Variants in FBXL18 observed in about 807,000 individuals in gnomAD.
FBXL18 encodes the protein F-box/LRR-repeat protein 18.
Under a neutral mutation model 46.0 loss-of-function variants are expected in FBXL18, and 36 were observed. The ratio of observed to expected loss-of-function variants is 0.78; its 90% CI spans 0.60 to 1.03. The LOEUF (loss-of-function observed/expected upper bound fraction) is 1.03. Ranked by LOEUF, FBXL18 falls within the 50% of genes least tolerant of loss-of-function variation. FBXL18 has a pLI of 0.00. For missense variants in FBXL18, 977 were observed against 1,004.1 expected, an observed-to-expected ratio of 0.97 and a Z score of 0.36; for synonymous variants, 557 against 465.3, an observed-to-expected ratio of 1.20 and a Z score of -2.54.
chr7:5,513,758 G>C lies in FBXL18; in HGVS notation c.-84C>G. 6.5e-7 allele frequency: 1 copy of C among 1,532,878 alleles called. No individual in the cohort carries two copies. The highest frequency in any genetic ancestry group is 8.8e-7 in the Non-Finnish European group (1 of 1,134,328). The allele number at this position is 1,532,878 out of a possible 1,614,324, so 95.0% of individuals were successfully genotyped here. On this transcript the variant is annotated 5_prime_UTR_variant, in exon 1 of 5. Coordinates refer to ENST00000382368, the MANE Select transcript of FBXL18 (RefSeq NM_024963.6). ...CCGGCTAGGGATGCTCGAAGCCGGC[G>C]CGTCCACCGCTCAACCGAGACCCCG...
intron 4 of FBXL18, among the ~76,000 whole-genome samples, chr7:5,456,197 G>A (rs778649281): frequency 5.3e-5 from 8 of 152,166 alleles, no homozygotes; most frequent in Non-Finnish European, 8.8e-5. Context: ...GGAACCCGCT[G>A]CCTGCTCCCA....
At position 5,481,161 on chromosome 7, in the gene FBXL18, T is replaced by A. The variant is rs2128233728; in HGVS notation, c.*614A>T. On this transcript the variant is annotated 3_prime_UTR_variant, in exon 5 of 5. Coordinates refer to ENST00000382368, the MANE Select transcript of FBXL18 (RefSeq NM_024963.6). ...GGGGACCTCTCTGGGGCCACAGGCA[T>A]CATCTGGCTAGAAAAGCCCCAGAGA... 6.6e-6 allele frequency: 1 copy of A among 152,384 alleles called. No individual in the cohort carries two copies. The highest frequency in any genetic ancestry group is 2.1e-4 in the South Asian group (1 of 4,830). 9.4% of individuals were successfully genotyped at this position (152,384 alleles called of 1,614,324 possible).
intron 3 of FBXL18, among the ~76,000 whole-genome samples, chr7:5,498,546 C>T (rs1247707208): frequency 3.3e-5 from 5 of 152,130 alleles, no homozygotes; most frequent in East Asian, 1.9e-4. Context: ...TGAGCCGCCA[C>T]GCCCGGCCCA....
intron 4 of FBXL18, among the ~76,000 whole-genome samples, chr7:5,482,141 G>A (rs1025601777): frequency 6.6e-6 from 1 of 152,218 alleles, no homozygotes; most frequent in Non-Finnish European, 1.5e-5. Flanking sequence ...ACGGCAGCCG[G>A]GAACAGGCCA....
intron 4 of FBXL18, among the ~76,000 whole-genome samples, chr7:5,487,419 C>A (rs1783803470): frequency 6.6e-6 from 1 of 152,148 alleles, no homozygotes; most frequent in Admixed American, 6.5e-5. Flanking sequence ...ATGCTGTGAC[C>A]CTCTCATCTG....
rs1014607296 is a variant in FBXL18 at position 5,496,214 on chromosome 7, G to T, written c.1781+4274C>A. On this transcript the variant is annotated intron_variant, in intron 3 of 4. Transcript: ENST00000382368. The surrounding 1 kb of genome is among the most constrained non-coding windows in gnomAD (Gnocchi z 4.8). ...GGGTACAACTGTGTCGACACTCAGA[G>T]GTTGTTGAGAATATCAAAGGGGTCA... Among the ~76,000 whole-genome samples, 1 of 152,162 alleles carries T rather than the reference G, an allele frequency of 6.6e-6. No homozygotes were observed. The highest frequency in any genetic ancestry group is 2.4e-5 in the African/African-American group (1 of 41,440).
chr7:5,500,371 C>A, intron 3 of FBXL18, 117 bp downstream of exon 3: 1 of 964,424 alleles, frequency 1.0e-6, no homozygotes, highest in Non-Finnish European at 1.5e-6. Context: ...GCTGCGAGGC[C>A]CCGCCCCAGC....
chr7:5,499,933 C>T (rs962991589), intron 3 of FBXL18, among the ~76,000 whole-genome samples: 14 of 151,270 alleles, frequency 9.3e-5, no homozygotes, highest in African/African-American at 3.4e-4. Context: ...GGCATGATGG[C>T]ATATGCCTGT....
At chr7:5,457,391 A>G (rs1422597623) in intron 4 of FBXL18, among the ~76,000 whole-genome samples, 3 of 152,058 alleles carry the variant, frequency 2.0e-5, no homozygotes, top group Admixed American at 1.3e-4. Flanking sequence ...TTAGAGATGT[A>G]AGCTGCTGGA....
intron 2 of FBXL18, 66 bp from the exon 3 acceptor site, chr7:5,502,097 C>A: frequency 8.5e-7 from 1 of 1,180,718 alleles, no homozygotes; most frequent in Non-Finnish European, 1.2e-6. Flanking sequence ...GTCTCCAACC[C>A]TCAGTGCGCA....
Position 5,481,930 on chromosome 7 carries a change from A to G in FBXL18, c.2002T>C (p.Phe668Leu). The G allele has an allele frequency of 6.2e-7, 1 of 1,601,948 alleles. No individual in the cohort carries two copies. Among genetic ancestry groups the G allele is most frequent in the Non-Finnish European group, 8.5e-7 (1 of 1,173,234 alleles). Residue 668 changes from phenylalanine (F) to leucine (L), a missense_variant and splice_region_variant, in exon 5 of 5, where the codon TTC becomes CTC. By Grantham distance (22) the Phe-to-Leu change is conservative. Transcript: ENST00000382368. ...TTTAACGCGGGCCGCTCGGCCTGGA[A>G]GCTGAACCAGAGACAGGCGGTCAGC... is the stretch of plus-strand genomic sequence containing the variant. ...KSLQQSLLRS[F>L]QAERPALNVV...
At chr7:5,489,890 AG>A (rs769559882) in intron 4 of FBXL18, 2 of 855,656 alleles carry the variant, frequency 2.3e-6, no homozygotes, top group South Asian at 3.3e-5. Flanking sequence ...GGTTGCAGTG[AG>A]CTGAGATCCC....
chr7:5,488,262 TGGA>T (rs1276072466), intron 4 of FBXL18, among the ~76,000 whole-genome samples: 7 of 152,024 alleles, frequency 4.6e-5, no homozygotes, highest in African/African-American at 1.7e-4. Flanking sequence ...AGCAGGTGAA[TGGA>T]GGAGAGCAGC....
chr7:5,464,702 A>T (rs1947811746), intron 4 of FBXL18, among the ~76,000 whole-genome samples: 1 of 17,788 alleles, frequency 5.6e-5, no homozygotes, highest in African/African-American at 1.2e-4. Flanking sequence ...TGGTTAATTA[A>T]AAAAAAAAAA....
chr7:5,493,078 T>C (rs1783973464), intron 3 of FBXL18, among the ~76,000 whole-genome samples: 2 of 152,138 alleles, frequency 1.3e-5, no homozygotes, highest in South Asian at 2.1e-4. Context: ...CTCACACTTA[T>C]AATCCCAGCC....
In FBXL18 at chr7:5,498,695, T is replaced by G. The variant is rs555860343; in HGVS notation, c.1781+1793A>C. Among the ~76,000 whole-genome samples the G allele has an allele frequency of 2.6e-5, 4 of 152,260 alleles. No individual in the cohort carries two copies. In the South Asian group the frequency reaches 8.3e-4, roughly 32 times the overall value. The stretch of plus-strand genomic sequence containing the variant: ...GAGCAATTCTCCTGCCTCAGCCTCC[T>G]GAGTAGCTGGGACTACAGGTGCCTG... On this transcript the variant is annotated intron_variant, in intron 3 of 4. Coordinates refer to ENST00000382368, the MANE Select transcript of FBXL18 (RefSeq NM_024963.6).
downstream of FBXL18, among the ~76,000 whole-genome samples, chr7:5,471,391 C>T (rs1173637373): frequency 6.6e-6 from 1 of 152,194 alleles, no homozygotes; most frequent in African/African-American, 2.4e-5. Flanking sequence ...ATTCTCCTGC[C>T]TCAGCCTCCC....
At chr7:5,485,973 T>C (rs1783763953) in intron 4 of FBXL18, among the ~76,000 whole-genome samples, 1 of 151,378 alleles carries the variant, frequency 6.6e-6, no homozygotes, top group Non-Finnish European at 1.5e-5. Context: ...GCAGGAGAAT[T>C]GCTTGAGCCC....
At chr7:5,475,488 C>T (rs1038603847), downstream of FBXL18, among the ~76,000 whole-genome samples, 4 of 152,174 alleles carry the variant, frequency 2.6e-5, no homozygotes, top group South Asian at 4.1e-4. The surrounding 1 kb of genome is among the most constrained non-coding windows in gnomAD (Gnocchi z 4.2). Flanking sequence ...CCTGCACAAC[C>T]GTGCCAGTGT....
Sources: gnomAD v4.1 joint callset for allele counts (sites outside exome capture counted in the v4.1 genomes callset) on GRCh38, gnomAD v4.1.1 for gene constraint, Gnocchi (gnomAD v3.1) non-coding constraint, MANE v1.5 for transcripts, NCBI Gene and HGNC (gene_info 2026-07-23, HGNC 2026-07-21) for gene names.